SDK1: variants seen among roughly 807,000 people sequenced by gnomAD.
SDK1 encodes the protein sidekick cell adhesion molecule 1, also known as protein sidekick-1.
Under a neutral mutation model 245.5 loss-of-function variants are expected in SDK1, and 157 were observed. That is an observed-to-expected ratio of 0.64 (90% CI 0.56 to 0.73). The LOEUF (loss-of-function observed/expected upper bound fraction) is 0.73. SDK1 is among the 30% of genes least tolerant of loss of function. SDK1 has a pLI of 0.00. For synonymous variants in SDK1, 1,647 were observed against 1,278.5 expected, an observed-to-expected ratio of 1.29 and a Z score of -6.15; for missense variants, 3,583 against 3,002.3, an observed-to-expected ratio of 1.19 and a Z score of -4.52.
At chr7:3,980,515 G>C (rs995021100) in intron 13 of SDK1, among the ~76,000 whole-genome samples, 2 of 152,116 alleles carry the variant, frequency 1.3e-5, no homozygotes, top group Admixed American at 6.5e-5. Flanking sequence ...GTAATGCTTC[G>C]ACGCAATCTA....
chr7:3,417,668 G>T (rs575973428), intron 1 of SDK1, among the ~76,000 whole-genome samples: 1 of 152,216 alleles, frequency 6.6e-6, no homozygotes, highest in Non-Finnish European at 1.5e-5. Context: ...TATATTTGTT[G>T]CCTTTCTAGA....
chr7:4,229,457 G>T (rs139718480), intron 40 of SDK1, among the ~76,000 whole-genome samples: 4 of 152,112 alleles, frequency 2.6e-5, no homozygotes, highest in Non-Finnish European at 4.4e-5. Context: ...ATCGTTCTGC[G>T]TTAAGATTCT....
intron 1 of SDK1, among the ~76,000 whole-genome samples, chr7:3,462,570 A>T (rs1027131350): frequency 6.6e-6 from 1 of 152,128 alleles, no homozygotes; most frequent in Non-Finnish European, 1.5e-5. Context: ...ATTTCTACTT[A>T]TATCTTTCTA....
intron 28 of SDK1, among the ~76,000 whole-genome samples, chr7:4,135,417 C>T (rs1779008670): frequency 6.6e-6 from 1 of 152,218 alleles, no homozygotes; most frequent in Non-Finnish European, 1.5e-5. Context: ...GAAATTCTTG[C>T]CTGTGTGCAC....
chr7:3,648,744 T>A (rs1264524073), intron 4 of SDK1, among the ~76,000 whole-genome samples: 1 of 152,224 alleles, frequency 6.6e-6, no homozygotes, highest in Non-Finnish European at 1.5e-5. Flanking sequence ...TTTATAGGCA[T>A]TTTGTGAATG....
intron 4 of SDK1, among the ~76,000 whole-genome samples, chr7:3,685,018 G>C (rs749453500): frequency 6.6e-6 from 1 of 152,068 alleles, no homozygotes; most frequent in African/African-American, 2.4e-5. Context: ...AGGTAACATT[G>C]GTATCATCAG....
At chr7:3,587,300 C>CGTGT (rs10523052) in intron 1 of SDK1, among the ~76,000 whole-genome samples, 71 of 149,164 alleles carry the variant, frequency 4.8e-4, no homozygotes, top group East Asian at 3.6e-3. Flanking sequence ...AGAAACAGAA[C>CGTGT]GTGTGTGTGT....
chr7:4,185,970 C>T (rs180760996), intron 35 of SDK1, among the ~76,000 whole-genome samples: 2 of 152,072 alleles, frequency 1.3e-5, no homozygotes, highest in Admixed American at 6.5e-5. Context: ...GGGGATGGAG[C>T]GGCTCCAGGG....
At chr7:3,724,771 G>T (rs1352522880) in intron 4 of SDK1, among the ~76,000 whole-genome samples, 1 of 152,146 alleles carries the variant, frequency 6.6e-6, no homozygotes, top group African/African-American at 2.4e-5. Context: ...GAAGGAAAAA[G>T]GAATGAGGAG....
intron 1 of SDK1, among the ~76,000 whole-genome samples, chr7:3,530,552 A>T (rs1238498482): frequency 6.6e-6 from 1 of 152,240 alleles, no homozygotes; most frequent in African/African-American, 2.4e-5. Flanking sequence ...TGTAAAAGAA[A>T]AATATATTGA....
chr7:3,853,653 GCC>G, intron 5 of SDK1, among the ~76,000 whole-genome samples: 1 of 152,008 alleles, frequency 6.6e-6, no homozygotes, highest in South Asian at 2.1e-4. Context: ...AATCTGAGAT[GCC>G]CCAGTGAGCT....
intron 1 of SDK1, among the ~76,000 whole-genome samples, chr7:3,397,639 G>A (rs149797547): frequency 2.0e-5 from 3 of 151,980 alleles, no homozygotes; most frequent in South Asian, 4.1e-4. Context: ...TTGTCTTAAT[G>A]TGTGTTTGAC....
chr7:3,463,810 A>G (rs754727191), intron 1 of SDK1, among the ~76,000 whole-genome samples: 7 of 152,116 alleles, frequency 4.6e-5, no homozygotes, highest in Non-Finnish European at 8.8e-5. Context: ...TGTTCCCTCC[A>G]GGACAGGCCA....
intron 20 of SDK1, among the ~76,000 whole-genome samples, chr7:4,074,916 A>ATTTTTTTTTTTT (rs55899344): frequency 7.7e-5 from 5 of 64,600 alleles, no homozygotes; most frequent in African/African-American, 4.7e-4. Context: ...ATATATATAT[A>ATTTTTTTTTTTT]TTTTTTTTTT....
chr7:3,611,277 G>C (rs1781578975), intron 1 of SDK1, among the ~76,000 whole-genome samples: 1 of 152,172 alleles, frequency 6.6e-6, no homozygotes, highest in South Asian at 2.1e-4. Flanking sequence ...TGATAATAGA[G>C]CCAACTCTTT....
chr7:4,122,297 C>T (rs1473141128), intron 25 of SDK1, among the ~76,000 whole-genome samples: 1 of 152,078 alleles, frequency 6.6e-6, no homozygotes, highest in Non-Finnish European at 1.5e-5. Context: ...GCAGAAAACT[C>T]GATCCTTTTT....
At chr7:3,733,453 G>A (rs1041623578) in intron 4 of SDK1, among the ~76,000 whole-genome samples, 1 of 152,262 alleles carries the variant, frequency 6.6e-6, no homozygotes, top group Middle Eastern at 3.4e-3. Context: ...GCTTTAACCG[G>A]ATTCATACAG....
chr7:3,664,733 C>G (rs112795480), intron 4 of SDK1, among the ~76,000 whole-genome samples: 3,233 of 125,646 alleles, frequency 0.026, 129 homozygotes, highest in African/African-American at 0.092. Context: ...GAGCGAGACT[C>G]TGTCTCAAAA....
intron 4 of SDK1, among the ~76,000 whole-genome samples, chr7:3,673,651 T>TA (rs934811342): frequency 1.5e-4 from 23 of 152,214 alleles, no homozygotes; most frequent in Admixed American, 1.5e-3. Context: ...GCTAATGCAT[T>TA]AGGTAGTTTC....
Sources: gnomAD v4.1 joint callset for allele counts (sites outside exome capture counted in the v4.1 genomes callset) on GRCh38, gnomAD v4.1.1 for gene constraint, MANE v1.5 for transcripts, NCBI Gene and HGNC (gene_info 2026-07-23, HGNC 2026-07-21) for gene names.